SGCZ: variants seen among roughly 807,000 people sequenced by gnomAD.
The protein encoded by SGCZ is zeta-sarcoglycan.
A neutral mutation model predicts 41.3 loss-of-function variants in SGCZ; 40 were observed. The ratio of observed to expected loss-of-function variants is 0.97; its 90% confidence interval spans 0.75 to 1.26. The LOEUF is 1.26. Ranked by LOEUF, SGCZ falls within the 50% of genes most tolerant of loss-of-function variation. The probability of loss-of-function intolerance (pLI) is 0.00; values close to 1 mark genes in which losing one functional copy is unlikely to be tolerated. For missense variants in SGCZ, 552 were observed against 369.8 expected (o/e 1.49, Z -4.04); for synonymous variants, 206 against 137.5 (o/e 1.50, Z -3.49).
At chr8:14,283,971 A>G (rs180853088) in intron 3 of SGCZ, among the ~76,000 whole-genome samples, 21 of 152,200 alleles carry the variant, frequency 1.4e-4, no homozygotes, top group Admixed American at 3.9e-4. Context: ...ATTTCTTTCA[A>G]CTTTTGTTTT....
At chr8:14,224,940 G>T (rs183027990) in intron 4 of SGCZ, among the ~76,000 whole-genome samples, 17 of 152,144 alleles carry the variant, frequency 1.1e-4, no homozygotes, top group African/African-American at 3.9e-4. Context: ...TTTTGCAAAG[G>T]CATATTTGGT....
intron 5 of SGCZ, chr8:14,161,451 C>A (rs774545543): frequency 2.6e-5 from 4 of 152,054 alleles, no homozygotes; most frequent in African/African-American, 4.8e-5. Context: ...TTCTAAGAGA[C>A]ACAGAAATGT....
At chr8:14,821,350 C>T (rs1001217302) in intron 1 of SGCZ, among the ~76,000 whole-genome samples, 1 of 151,860 alleles carries the variant, frequency 6.6e-6, no homozygotes, top group Non-Finnish European at 1.5e-5. Context: ...AAAGTATAGC[C>T]AGGAACATCT....
chr8:14,414,977 G>C (rs1423129083), intron 2 of SGCZ, among the ~76,000 whole-genome samples: 2 of 151,990 alleles, frequency 1.3e-5, no homozygotes, highest in South Asian at 4.2e-4. Flanking sequence ...TCATTTCTTA[G>C]TTCATTTAAT....
intron 1 of SGCZ, among the ~76,000 whole-genome samples, chr8:14,996,057 C>T (rs34775004): frequency 0.035 from 5,327 of 152,086 alleles, 155 homozygotes; most frequent in Admixed American, 0.075. Flanking sequence ...GCGCCCGCCA[C>T]CACGCCCAGC....
intron 1 of SGCZ, among the ~76,000 whole-genome samples, chr8:15,147,707 G>C (rs933823361): frequency 6.6e-6 from 1 of 152,202 alleles, no homozygotes. Flanking sequence ...AAGACTGAGA[G>C]GAGGGGAGAA....
intron 4 of SGCZ, among the ~76,000 whole-genome samples, chr8:14,178,738 T>G (rs1804630246): frequency 6.6e-6 from 1 of 152,246 alleles, no homozygotes; most frequent in African/African-American, 2.4e-5. Context: ...TAGTTTTGTC[T>G]AATGTCTAGG....
At chr8:14,309,143 T>A in intron 3 of SGCZ, 2 of 1,463,366 alleles carry the variant, frequency 1.4e-6, no homozygotes, top group South Asian at 1.1e-5. Context: ...ACAGAACAGA[T>A]GGGCACTCTG....
chr8:14,204,659 C>T (rs1805561967), intron 4 of SGCZ, among the ~76,000 whole-genome samples: 1 of 152,114 alleles, frequency 6.6e-6, no homozygotes, highest in South Asian at 2.1e-4. Context: ...TATGGGTGAA[C>T]ACCATCCAAT....
chr8:14,738,488 CT>C (rs1369909186), intron 1 of SGCZ, among the ~76,000 whole-genome samples: 1 of 152,068 alleles, frequency 6.6e-6, no homozygotes, highest in Non-Finnish European at 1.5e-5. Context: ...GAAACTTGGA[CT>C]AATTAACTAA....
intron 1 of SGCZ, among the ~76,000 whole-genome samples, chr8:15,226,424 A>G (rs942102600): frequency 6.6e-6 from 1 of 152,230 alleles, no homozygotes; most frequent in Admixed American, 6.5e-5. Flanking sequence ...GATCATTATT[A>G]TCTCCAAATA....
rs73667926 is a variant in SGCZ at position 15,219,630 on chromosome 8, T to C, written c.39+17955A>G. ...TTCAATAGCAGAAGTGGTCTTTGGA[T>C]ACTGAGTAGCTGAGATATTTACCGG... On this transcript the variant is annotated intron_variant, in intron 1 of 7. Coordinates refer to ENST00000382080, the MANE Select transcript of SGCZ (RefSeq NM_139167.4). 1.2e-3 allele frequency among the ~76,000 whole-genome samples: 186 copies of C among 152,320 alleles called. 1 individual carries two copies. The highest frequency in any genetic ancestry group is 3.9e-3 in the African/African-American group (161 of 41,582).
chr8:14,100,558 T>TCTTA (rs1554456232), intron 7 of SGCZ, among the ~76,000 whole-genome samples: 1 of 141,888 alleles, frequency 7.0e-6, no homozygotes, highest in Non-Finnish European at 1.5e-5. Context: ...TAGATTAATA[T>TCTTA]ATTATATATT....
At chr8:14,257,953 A>G (rs915576070) in intron 3 of SGCZ, among the ~76,000 whole-genome samples, 6 of 152,218 alleles carry the variant, frequency 3.9e-5, no homozygotes, top group African/African-American at 1.2e-4. Context: ...TTCAAGATCA[A>G]TAAATGAACA....
chr8:14,711,916 A>G (rs1809531678), intron 1 of SGCZ, among the ~76,000 whole-genome samples: 1 of 152,144 alleles, frequency 6.6e-6, no homozygotes, highest in African/African-American at 2.4e-5. Context: ...TCAGGTTCCT[A>G]TGTAGGCAAA....
At chr8:14,450,309 C>A (rs2117399558) in intron 2 of SGCZ, among the ~76,000 whole-genome samples, 1 of 144,658 alleles carries the variant, frequency 6.9e-6, no homozygotes, top group African/African-American at 2.4e-5. Context: ...AATTCCTAAT[C>A]CTGCAAGTAT....
At chr8:14,613,310 T>C (rs1403372035) in intron 1 of SGCZ, among the ~76,000 whole-genome samples, 5 of 152,202 alleles carry the variant, frequency 3.3e-5, no homozygotes, top group Admixed American at 2.6e-4. Context: ...TATTTTGATT[T>C]TATTGAACTG....
At chr8:14,933,568 AC>A (rs1799988486) in intron 1 of SGCZ, among the ~76,000 whole-genome samples, 1 of 151,386 alleles carries the variant, frequency 6.6e-6, no homozygotes, top group Non-Finnish European at 1.5e-5. Context: ...AGTAGCTGGG[AC>A]TACAGGCGCC....
At chr8:14,839,796 A>T (rs1376590378) in intron 1 of SGCZ, among the ~76,000 whole-genome samples, 1 of 152,146 alleles carries the variant, frequency 6.6e-6, no homozygotes, top group Non-Finnish European at 1.5e-5. Flanking sequence ...GGACACAAAC[A>T]TTTAGTTATT....
Sources: allele counts gnomAD v4.1 joint callset (sites outside exome capture counted in the v4.1 genomes callset), GRCh38; gene constraint gnomAD v4.1.1; transcripts MANE v1.5; gene names NCBI Gene and HGNC (gene_info 2026-07-23, HGNC 2026-07-21).